Variants in PDE1A observed in about 807,000 individuals in gnomAD.
The protein encoded by PDE1A is phosphodiesterase 1A.
Under a neutral mutation model 61.7 loss-of-function variants are expected in PDE1A, and 35 were observed. That is an observed-to-expected ratio of 0.57 (90% confidence interval 0.43 to 0.75). The LOEUF (loss-of-function observed/expected upper bound fraction) is 0.75, where lower values mean the gene tolerates loss of function less well. Among genes scored for constraint, PDE1A ranks in the 30% least tolerant of loss-of-function variants. The pLI is 0.00. For synonymous variants in PDE1A, 232 were observed against 213.2 expected (o/e 1.09, Z -0.77); for missense variants, 597 against 630.6 (o/e 0.95, Z 0.57).
chr2:182,630,813 G>A, the PDE1A span, among the ~76,000 whole-genome samples: 11 of 152,228 alleles, frequency 7.2e-5, no homozygotes, highest in African/African-American at 2.6e-4. Flanking sequence ...ACCTTGGCAA[G>A]ATCCAGGTGC....
intron 1 of PDE1A, among the ~76,000 whole-genome samples, chr2:182,269,045 CA>C (rs1236383322): frequency 6.6e-6 from 1 of 151,706 alleles, no homozygotes; most frequent in Non-Finnish European, 1.5e-5. Flanking sequence ...AATTAGTAGA[CA>C]AAAATGTTGA....
the PDE1A span, among the ~76,000 whole-genome samples, chr2:182,663,858 C>T: frequency 2.6e-5 from 4 of 151,884 alleles, no homozygotes; most frequent in South Asian, 8.3e-4. Flanking sequence ...TCTGCAAGAT[C>T]TCCTAAAATA....
At chr2:182,574,519 C>T in the PDE1A span, among the ~76,000 whole-genome samples, 1 of 152,126 alleles carries the variant, frequency 6.6e-6, no homozygotes, top group South Asian at 2.1e-4. Flanking sequence ...ATCCCCAACC[C>T]AAATACTATT....
intron 13 of PDE1A, among the ~76,000 whole-genome samples, chr2:182,174,794 T>C (rs1244414590): frequency 6.6e-6 from 1 of 152,144 alleles, no homozygotes; most frequent in African/African-American, 2.4e-5. Flanking sequence ...GTGCAGAATG[T>C]GTAGGTTTGT....
intron 1 of PDE1A, among the ~76,000 whole-genome samples, chr2:182,417,977 G>A (rs1426247776): frequency 2.0e-5 from 3 of 152,030 alleles, no homozygotes; most frequent in Non-Finnish European, 2.9e-5. Context: ...ACCTATTATA[G>A]TGGTGTTTAG....
the PDE1A span, among the ~76,000 whole-genome samples, chr2:182,681,613 T>A: frequency 1.3e-5 from 2 of 151,584 alleles, no homozygotes; most frequent in African/African-American, 4.8e-5. Context: ...GATTTGTCAA[T>A]ATCTACTTAA....
chr2:182,220,944 T>C (rs1688663829), intron 7 of PDE1A, among the ~76,000 whole-genome samples: 1 of 152,082 alleles, frequency 6.6e-6, no homozygotes, highest in African/African-American at 2.4e-5. Context: ...TCATGGAATT[T>C]TCAAGTTCAT....
chr2:182,633,297 C>G, the PDE1A span, among the ~76,000 whole-genome samples: 2 of 152,132 alleles, frequency 1.3e-5, no homozygotes, highest in Non-Finnish European at 2.9e-5. Context: ...AGATTTTCCT[C>G]AAGCCATGCA....
At position 182,515,954 on chromosome 2, in the gene PDE1A, C is replaced by CTGTGTGTGTGTG. The variant is rs201729102; in HGVS notation, c.101+6310_101+6321dup. On this transcript the variant is annotated intron_variant, in intron 2 of 14. Transcript: ENST00000410103. Reference sequence around the variant, plus strand: ...AGGGATTGTGCGTGTGTGTGTGTTTCTGTGTGTGTGTGTGTGTGTGTGTGT... The same window carrying CTGTGTGTGTGTG: ...AGGGATTGTGCGTGTGTGTGTGTTTCTGTGTGTGTGTGTGTGTGTGTGTGTGTGTGTGTGTGT... Among the ~76,000 whole-genome samples the CTGTGTGTGTGTG allele has an allele frequency of 1.8e-3, 240 of 130,486 alleles. 1 individual carries two copies. The highest frequency in any genetic ancestry group is 4.4e-3 in the Middle Eastern group (1 of 228). The allele number at this position is 130,486 out of a possible 152,430, so 85.6% of individuals were successfully genotyped here.
the PDE1A span, among the ~76,000 whole-genome samples, chr2:182,547,237 T>C: frequency 2.0e-5 from 3 of 152,310 alleles, no homozygotes; most frequent in East Asian, 3.9e-4. Context: ...ATCTCGTTGT[T>C]GGGTTCCTGT....
intron 1 of PDE1A, among the ~76,000 whole-genome samples, chr2:182,329,939 G>A (rs1697295141): frequency 6.6e-6 from 1 of 152,104 alleles, no homozygotes; most frequent in Non-Finnish European, 1.5e-5. Flanking sequence ...TTAAAATGGT[G>A]TCTGATATAT....
chr2:182,561,409 A>C, the PDE1A span, among the ~76,000 whole-genome samples: 1 of 151,828 alleles, frequency 6.6e-6, no homozygotes, highest in Non-Finnish European at 1.5e-5. Context: ...TGTTCCATTG[A>C]TCTATATCTC....
At chr2:182,503,673 A>G (rs1350146815) in intron 2 of PDE1A, among the ~76,000 whole-genome samples, 2 of 152,166 alleles carry the variant, frequency 1.3e-5, no homozygotes, top group African/African-American at 2.4e-5. Context: ...ACAAGTCACC[A>G]TCACGAGAAG....
At chr2:182,576,780 C>T in the PDE1A span, among the ~76,000 whole-genome samples, 2 of 152,130 alleles carry the variant, frequency 1.3e-5, no homozygotes, top group African/African-American at 4.8e-5. Flanking sequence ...GCCATTAAAA[C>T]CACTGATATC....
At chr2:182,562,779 C>T in the PDE1A span, among the ~76,000 whole-genome samples, 1 of 152,110 alleles carries the variant, frequency 6.6e-6, no homozygotes, top group Non-Finnish European at 1.5e-5. Context: ...CTGGTTTAGT[C>T]TTGGGAGTGT....
At chr2:182,605,323 C>G in the PDE1A span, among the ~76,000 whole-genome samples, 1 of 152,086 alleles carries the variant, frequency 6.6e-6, no homozygotes, top group South Asian at 2.1e-4. Context: ...CTAGTTGTGA[C>G]CCTGTGATCA....
chr2:182,605,051 T>A, the PDE1A span, among the ~76,000 whole-genome samples: 2 of 147,714 alleles, frequency 1.4e-5, no homozygotes, highest in South Asian at 2.1e-4. Context: ...TTTTTTTTTT[T>A]AATCATGTTC....
chr2:182,580,063 T>TA, the PDE1A span, among the ~76,000 whole-genome samples: 1 of 152,210 alleles, frequency 6.6e-6, no homozygotes, highest in Non-Finnish European at 1.5e-5. Flanking sequence ...CTTTGATAAC[T>TA]AAAATAAACA....
intron 1 of PDE1A, among the ~76,000 whole-genome samples, chr2:182,300,028 T>A (rs1266487762): frequency 1.3e-5 from 2 of 152,200 alleles, no homozygotes; most frequent in Non-Finnish European, 2.9e-5. Context: ...TGGTGAAGTT[T>A]GTAGTAGTCC....
Sources: allele counts gnomAD v4.1 joint callset (sites outside exome capture counted in the v4.1 genomes callset), GRCh38; gene constraint gnomAD v4.1.1; transcripts MANE v1.5; gene names NCBI Gene and HGNC (gene_info 2026-07-23, HGNC 2026-07-21).